The following PASD1 variants were observed in gnomAD, a reference collection of about 807,000 sequenced individuals.
PASD1 encodes the protein circadian clock protein PASD1.
Under a neutral mutation model 58.8 loss-of-function variants are expected in PASD1, and 13 were observed. The ratio of observed to expected loss-of-function variants is 0.22; its 90% CI spans 0.14 to 0.35. PASD1 has a LOEUF of 0.35. PASD1 is among the 10% of genes least tolerant of loss of function. The probability of loss-of-function intolerance (pLI) is 1.00; values close to 1 mark genes in which losing one functional copy is unlikely to be tolerated. For synonymous variants in PASD1, 236 were observed against 216.7 expected (o/e 1.09, Z -0.78); for missense variants, 734 against 568.3 (o/e 1.29, Z -2.96).
rs1037083948 is a variant in PASD1, at chrX:151,649,373, C to T, written c.717+671C>T. 2.7e-5 allele frequency among the ~76,000 whole-genome samples: 3 copies of T among 111,693 alleles called. No individual in the cohort carries two copies. The Admixed American group carries it at 2.8e-4, about 11-fold the overall frequency. Reference sequence around the variant, plus strand: ...CAGTGCTACAGAGAGAAAACATGACCGAGACATCAGAAGACAAGGGTTTGA... The same window carrying T: ...CAGTGCTACAGAGAGAAAACATGACTGAGACATCAGAAGACAAGGGTTTGA... On this transcript the variant is annotated intron_variant, in intron 9 of 15. Transcript: ENST00000370357.
At chrX:151,663,699 A>G in intron 10 of PASD1, among the ~76,000 whole-genome samples, 1 of 112,116 alleles carries the variant, frequency 8.9e-6, no homozygotes. Flanking sequence ...TGTTGAAACC[A>G]AGTCATGTCA....
At chrX:151,584,319 G>T (rs1305738128) in intron 1 of PASD1, among the ~76,000 whole-genome samples, 3 of 111,914 alleles carry the variant, frequency 2.7e-5, no homozygotes, top group African/African-American at 9.7e-5. Context: ...TGGGAATAAT[G>T]AAAAACATTA....
At chrX:151,668,445 A>G (rs889259114) in intron 11 of PASD1, among the ~76,000 whole-genome samples, 2 of 111,197 alleles carry the variant, frequency 1.8e-5, no homozygotes, top group Non-Finnish European at 3.8e-5. Flanking sequence ...GATCAACAAA[A>G]TTGATAGACC....
chrX:151,637,322 G>C (rs912336420), intron 8 of PASD1, among the ~76,000 whole-genome samples: 2 of 112,104 alleles, frequency 1.8e-5, no homozygotes, highest in African/African-American at 3.2e-5. Flanking sequence ...TTCCAGGGTG[G>C]TTGTGCCATT....
In PASD1 at chrX:151,672,308, G is replaced by A; in HGVS notation, c.1563G>A (p.Leu521=). Residue 521 remains leucine (L), a synonymous_variant, in exon 14 of 16, where the codon CTG becomes CTA. Coordinates refer to ENST00000370357, the MANE Select transcript of PASD1 (RefSeq NM_173493.3). The part of the protein sequence containing the change: ...KQKKMQEKKK[L]QEQKMQEKKK... Reference sequence around the variant, plus strand: ...AGAAGATGCAGGAGAAGAAGAAGCTGCAGGAGCAGAAAATGCAGGAGAAGA... The same window carrying A: ...AGAAGATGCAGGAGAAGAAGAAGCTACAGGAGCAGAAAATGCAGGAGAAGA... 1 of 1,170,515 alleles carries A rather than the reference G, an allele frequency of 8.5e-7. No individual in the cohort carries two copies. The highest frequency in any genetic ancestry group is 1.1e-6 in the Non-Finnish European group (1 of 874,753).
chrX:151,591,680 T>C (rs2013250572), intron 1 of PASD1, among the ~76,000 whole-genome samples: 1 of 111,581 alleles, frequency 9.0e-6, no homozygotes, highest in Non-Finnish European at 1.9e-5. Context: ...GTGGAGAAGG[T>C]GCAAAGTCCA....
chrX:151,581,563 T>G (rs1303133417), intron 1 of PASD1, among the ~76,000 whole-genome samples: 1 of 111,411 alleles, frequency 9.0e-6, no homozygotes, highest in Non-Finnish European at 1.9e-5. Context: ...CACTCCAGCC[T>G]GAGTGACAAA....
At chrX:151,640,139 G>T (rs957341810) in intron 8 of PASD1, among the ~76,000 whole-genome samples, 3 of 111,647 alleles carry the variant, frequency 2.7e-5, no homozygotes, top group African/African-American at 9.8e-5. Context: ...GGAAGACTCA[G>T]ATGCCAAATA....
intron 8 of PASD1, among the ~76,000 whole-genome samples, chrX:151,638,695 G>C (rs533977992): frequency 1.8e-5 from 2 of 111,620 alleles, no homozygotes; most frequent in South Asian, 7.5e-4. Context: ...TTTATTTTAA[G>C]AAAGGAATAT....
chrX:151,652,534 AAAAAAAAAAAAAC>A (rs1351933609), intron 9 of PASD1, among the ~76,000 whole-genome samples: 1 of 15,043 alleles, frequency 6.6e-5, no homozygotes, highest in Admixed American at 9.7e-4. Flanking sequence ...CTCCGTCTCA[AAAAAAAAAAAAAC>A]AAAAAACAAA....
At position 151,654,855 on chromosome X, in the gene PASD1, TTTA is replaced by T. The variant is rs1171207538; in HGVS notation, c.718-4844_718-4842del. Among the ~76,000 whole-genome samples, 11 of 110,874 alleles carry T rather than the reference TTTA, an allele frequency of 9.9e-5. No homozygotes were observed. The East Asian group carries it at 1.4e-3, about 14-fold the overall frequency. ...CTTTGTTTTGATTTTTGTTTTTCTT[TTTA>T]TTATTATTATTATACTTTACGTTCT... On this transcript the variant is annotated intron_variant, in intron 9 of 15. Transcript: ENST00000370357.
chrX:151,664,483 A>G (rs1411509304), intron 11 of PASD1, 135 bp downstream of exon 11: 4 of 1,027,111 alleles, frequency 3.9e-6, no homozygotes, highest in African/African-American at 3.8e-5. Flanking sequence ...CTATATCACT[A>G]TTTCTGTTAT....
In PASD1 at chrX:151,659,773, G is replaced by A. The variant is rs1193775458; in HGVS notation, c.778G>A (p.Val260Ile). 1.7e-6 allele frequency: 2 copies of A among 1,202,505 alleles called. No individual in the cohort carries two copies. The highest frequency in any genetic ancestry group is 3.5e-5 in the South Asian group (2 of 56,698). Reference sequence around the variant, plus strand: ...ACCACAAGAAAACGTTCACATGTTTGTAGATTCTGATTCAACTTATTGCTC... The same window carrying A: ...ACCACAAGAAAACGTTCACATGTTTATAGATTCTGATTCAACTTATTGCTC... The part of the protein sequence containing the change: ...YGPQENVHMF[V>I]DSDSTYCSST... The change falls in exon 10 of 16, where the codon GTA (valine) becomes ATA (isoleucine). Residue 260 changes from valine to isoleucine, a missense_variant. Val to Ile is a conservative substitution (Grantham distance 29). Coordinates refer to ENST00000370357, the MANE Select transcript of PASD1 (RefSeq NM_173493.3).
chrX:151,600,616 T>A (rs1475076350), intron 1 of PASD1, among the ~76,000 whole-genome samples: 1 of 110,230 alleles, frequency 9.1e-6, no homozygotes, highest in African/African-American at 3.3e-5. Flanking sequence ...CCTGGCTACA[T>A]GTAGGGAGAG....
chrX:151,580,997 G>A (rs2013081384), intron 1 of PASD1, among the ~76,000 whole-genome samples: 1 of 109,214 alleles, frequency 9.2e-6, no homozygotes, highest in South Asian at 4.0e-4. Context: ...AAATTACGAG[G>A]CTGCCAGATC....
chrX:151,648,316 G>T (rs1177231456), intron 8 of PASD1, among the ~76,000 whole-genome samples: 1 of 109,185 alleles, frequency 9.2e-6, no homozygotes, highest in Admixed American at 9.8e-5. Context: ...TTTAAAAATT[G>T]AAAAAGAATA....
At chrX:151,650,051 A>G (rs2014111666) in intron 9 of PASD1, among the ~76,000 whole-genome samples, 1 of 112,480 alleles carries the variant, frequency 8.9e-6, no homozygotes, top group South Asian at 3.7e-4. Context: ...TGCTCAAAGA[A>G]GTATGAAACA....
At chrX:151,588,305 A>G (rs966014569) in intron 1 of PASD1, among the ~76,000 whole-genome samples, 1 of 112,606 alleles carries the variant, frequency 8.9e-6, no homozygotes, top group Non-Finnish European at 1.9e-5. Flanking sequence ...ATCTTCCACA[A>G]TAGCATTTTC....
intron 1 of PASD1, among the ~76,000 whole-genome samples, chrX:151,599,283 T>A (rs12840541): frequency 0.21 from 23,317 of 110,027 alleles, 2,598 homozygotes; most frequent in Non-Finnish European, 0.32. Flanking sequence ...CCCCCTTTTC[T>A]ATTCGACAAA....
Sources: allele counts gnomAD v4.1 joint callset (sites outside exome capture counted in the v4.1 genomes callset), GRCh38; gene constraint gnomAD v4.1.1; transcripts MANE v1.5; gene names NCBI Gene and HGNC (gene_info 2026-07-23, HGNC 2026-07-21).